Variants in GTF3C2 observed in about 807,000 individuals in gnomAD.
The protein encoded by GTF3C2 is general transcription factor IIIC subunit 2.
GTF3C2 carries 17 observed loss-of-function variants against 117.4 expected under a neutral mutation model. That is an observed-to-expected ratio of 0.14 (90% CI 0.10 to 0.22). The LOEUF (loss-of-function observed/expected upper bound fraction) is 0.22. GTF3C2 is among the 10% of genes least tolerant of loss of function. The pLI is 1.00. For synonymous variants in GTF3C2, 437 were observed against 427.0 expected (o/e 1.02, Z -0.29); for missense variants, 888 against 1,143.6 (o/e 0.78, Z 3.22).
chr2:27,344,518 A>G (rs762381707), intron 1 of GTF3C2, among the ~76,000 whole-genome samples: 12 of 152,270 alleles, frequency 7.9e-5, no homozygotes, highest in Non-Finnish European at 1.2e-4. Flanking sequence ...TCCAAAAAAG[A>G]AGAGAGAGAA....
chr2:27,336,065 A>C, intron 8 of GTF3C2, 37 bp from the exon 9 acceptor site: 2 of 1,473,834 alleles, frequency 1.4e-6, no homozygotes, highest in African/African-American at 1.4e-5. Flanking sequence ...GTGGGTAGGA[A>C]GAAGGGACGC....
chr2:27,356,095 T>C (rs982018699), intron 1 of GTF3C2: 1 of 1,289,074 alleles, frequency 7.8e-7, no homozygotes, highest in Non-Finnish European at 1.0e-6. Flanking sequence ...ACCCTATACA[T>C]CCCTCCAACA....
intron 4 of GTF3C2, among the ~76,000 whole-genome samples, chr2:27,339,013 T>A (rs947173712): frequency 1.3e-5 from 2 of 152,216 alleles, no homozygotes; most frequent in African/African-American, 4.8e-5. Flanking sequence ...ATTTCCGTCA[T>A]GTAAACCTGA....
In GTF3C2 at chr2:27,329,546, G is replaced by A; in HGVS notation, c.1733-23C>T. On this transcript the variant is annotated intron_variant, in intron 12 of 18. Coordinates refer to ENST00000264720, the Ensembl canonical transcript of GTF3C2. The surrounding 1 kb of genome is among the most constrained non-coding windows in gnomAD (Gnocchi z 4.5). ...TGCCTGAAATAAGGACAGAATGTGT[G>A]AGCATTAAAAGCAAGTTCTCTCTTC... The A allele has an allele frequency of 2.5e-6, 4 of 1,612,046 alleles. 1 individual carries two copies. The highest frequency in any genetic ancestry group is 4.5e-5 in the East Asian group (2 of 44,874).
Position 27,335,599 on chromosome 2 carries a change from TG to T in GTF3C2, c.1574del (p.Pro525GlnfsTer4). 3 of 1,512,618 alleles carry T rather than the reference TG, an allele frequency of 2.0e-6. No homozygotes were observed. Among genetic ancestry groups the T allele is most frequent in the Non-Finnish European group, 2.7e-6 (3 of 1,110,786 alleles). 93.7% of individuals were successfully genotyped at this position (1,512,618 alleles called of 1,614,324 possible). A position where few individuals can be genotyped will look rare whatever the true frequency, so the allele number is the denominator to read the frequency against. On this transcript the variant is annotated frameshift_variant and splice_region_variant, in exon 10 of 19. Coordinates refer to ENST00000264720, the Ensembl canonical transcript of GTF3C2. LOFTEE classifies it high-confidence loss of function. Reference sequence around the variant, plus strand: ...CATTCTCCTTGCTGTGCTACTCACCTGGGGGTTGCTGAGCCAGCAGGGCCTC... The same window carrying T: ...CATTCTCCTTGCTGTGCTACTCACCTGGGGTTGCTGAGCCAGCAGGGCCTC...
chr2:27,343,467 C>A, exon 2 of GTF3C2: 8 of 1,614,156 alleles, frequency 5.0e-6, no homozygotes, highest in Non-Finnish European at 6.8e-6. Context: ...TGATTTAGCA[C>A]CTCTTGTCCA....
intron 18 of GTF3C2, 130 bp from the exon 19 acceptor site, chr2:27,327,023 T>C: frequency 2.9e-6 from 2 of 700,242 alleles, no homozygotes; most frequent in Non-Finnish European, 4.8e-6. Context: ...GTGACAGAGG[T>C]AAGAATGAAA....
chr2:27,355,440 A>C (rs1681304237), intron 1 of GTF3C2, among the ~76,000 whole-genome samples: 1 of 152,026 alleles, frequency 6.6e-6, no homozygotes, highest in Admixed American at 6.5e-5. Flanking sequence ...GAATCGCTTG[A>C]ACCCGGGAGG....
chr2:27,336,416 C>G, exon 8 of GTF3C2: 1 of 1,590,836 alleles, frequency 6.3e-7, no homozygotes, highest in South Asian at 1.1e-5. Context: ...GTGCTGTGAT[C>G]GAGCTAAATC....
Position 27,335,904 on chromosome 2 carries a change from G to A in GTF3C2, c.1467+13C>T. ...TGAGTCCTAGGGCCATCCCACAGTT[G>A]ACTGGGAAGTACCTTCCGAGGGGTG... On this transcript the variant is annotated intron_variant, in intron 9 of 18. Coordinates refer to ENST00000264720, the Ensembl canonical transcript of GTF3C2. The A allele has an allele frequency of 6.5e-7, 1 of 1,531,268 alleles. No homozygotes were observed. Among genetic ancestry groups the A allele is most frequent in the South Asian group, 1.1e-5 (1 of 89,356 alleles). The allele number at this position is 1,531,268 out of a possible 1,614,324, so 94.9% of individuals were successfully genotyped here.
chr2:27,337,129 C>T (rs908272760), intron 7 of GTF3C2, 115 bp downstream of exon 7: 14 of 657,830 alleles, frequency 2.1e-5, no homozygotes, highest in African/African-American at 2.0e-4. Flanking sequence ...ATTCTTGGGA[C>T]CAACTGAACC....
Position 27,338,093 on chromosome 2 carries a change from T to C in GTF3C2, c.856-73A>G, listed in dbSNP as rs570933089. The stretch of plus-strand genomic sequence containing the variant: ...GGACAAAGTCCCAGAGACAGCTCTT[T>C]CCCAGTTTTTATCTTCTTTGGCAAT... On this transcript the variant is annotated intron_variant, in intron 4 of 18. Coordinates refer to ENST00000264720, the Ensembl canonical transcript of GTF3C2. 10 of 899,246 alleles carry C rather than the reference T, an allele frequency of 1.1e-5. No individual in the cohort carries two copies. In the African/African-American group the frequency reaches 1.3e-4, roughly 12 times the overall value. 55.7% of individuals were successfully genotyped at this position (899,246 alleles called of 1,614,324 possible).
In GTF3C2 at chr2:27,342,813, C is replaced by A. The variant is rs957974479; in HGVS notation, c.569+13G>T. 5 of 1,606,010 alleles carry A rather than the reference C, an allele frequency of 3.1e-6. No individual in the cohort carries two copies. In the African/African-American group the frequency reaches 6.7e-5, roughly 21 times the overall value. ...CAACCCCCCTCCACCAAGCTATGCC[C>A]CACAATCCTTACACTTGGGCAGCCC... On this transcript the variant is annotated intron_variant, in intron 3 of 18. Transcript: ENST00000264720.
chr2:27,343,600 TGAGTA>T (rs1478752221), intron 1 of GTF3C2, 22 bp from the exon 2 acceptor site: 3 of 1,598,988 alleles, frequency 1.9e-6, no homozygotes, highest in Non-Finnish European at 2.6e-6. Flanking sequence ...GACACACAAA[TGAGTA>T]GAGGACAAAA....
intron 12 of GTF3C2, among the ~76,000 whole-genome samples, chr2:27,331,030 G>A (rs1680256313): frequency 6.6e-6 from 1 of 152,190 alleles, no homozygotes; most frequent in Non-Finnish European, 1.5e-5. Context: ...GAGCCACTCA[G>A]GGAATGAATG....
intron 14 of GTF3C2, 61 bp from the exon 15 acceptor site, chr2:27,328,992 C>T (rs62130717): frequency 1.4e-6 from 2 of 1,466,504 alleles, no homozygotes; most frequent in East Asian, 2.3e-5. Flanking sequence ...TTCTTCTTAA[C>T]CTCTTCCAGA....
At chr2:27,331,295 C>T (rs1236501940) in intron 12 of GTF3C2, among the ~76,000 whole-genome samples, 1 of 152,158 alleles carries the variant, frequency 6.6e-6, no homozygotes, top group African/African-American at 2.4e-5. Context: ...TCCTTATCTT[C>T]CTAGCAGAAA....
At position 27,338,013 on chromosome 2, in the gene GTF3C2, TTC is replaced by T. The variant is rs1178022722; in HGVS notation, c.861_862del (p.Lys288ThrfsTer41). On this transcript the variant is annotated frameshift_variant, in exon 5 of 19. Coordinates refer to ENST00000264720, the Ensembl canonical transcript of GTF3C2. LOFTEE classifies it high-confidence loss of function. The stretch of plus-strand genomic sequence containing the variant: ...GGGAGCCATTCCTCGGCAGTGTGGT[TTC>T]TGTTTCTGAGGATCAAATTGAAGAA... The T allele has an allele frequency of 6.2e-7, 1 of 1,605,024 alleles. No individual in the cohort carries two copies. The highest frequency in any genetic ancestry group is 8.5e-7 in the Non-Finnish European group (1 of 1,171,802).
chr2:27,343,330 G>A (rs1233281897), exon 2 of GTF3C2: 2 of 1,614,106 alleles, frequency 1.2e-6, no homozygotes, highest in Non-Finnish European at 1.7e-6. Flanking sequence ...GTCTGGAGAG[G>A]CTTTCCTGCT....
Sources: allele counts gnomAD v4.1 joint callset (sites outside exome capture counted in the v4.1 genomes callset), GRCh38; gene constraint gnomAD v4.1.1; non-coding constraint Gnocchi (gnomAD v3.1); transcripts MANE v1.5; gene names NCBI Gene and HGNC (gene_info 2026-07-23, HGNC 2026-07-21).